The following DLG2 variants were observed in gnomAD, a reference collection of about 807,000 sequenced individuals.
DLG2 encodes disks large homolog 2.
A neutral mutation model predicts 132.5 loss-of-function variants in DLG2; 45 were observed. The observed-to-expected ratio is 0.34, with a 90% CI of 0.27 to 0.44. DLG2 has a LOEUF of 0.44. Among genes scored for constraint, DLG2 ranks in the 20% least tolerant of loss-of-function variants. The probability of loss-of-function intolerance (pLI) is 1.00; values close to 1 mark genes in which losing one functional copy is unlikely to be tolerated. For missense variants in DLG2, 1,045 were observed against 1,196.9 expected (o/e 0.87, Z 1.87); for synonymous variants, 424 against 419.6 (o/e 1.01, Z -0.13).
chr11:83,469,416 C>A (rs757300559), intron 24 of DLG2, 43 bp from the exon 25 acceptor site: 2 of 1,518,560 alleles, frequency 1.3e-6, no homozygotes, highest in East Asian at 2.3e-5. Flanking sequence ...GCATTTATAC[C>A]CATAAACTTG....
At chr11:83,653,864 A>T (rs1450129105) in intron 18 of DLG2, among the ~76,000 whole-genome samples, 3 of 152,006 alleles carry the variant, frequency 2.0e-5, no homozygotes, top group Non-Finnish European at 4.4e-5. Context: ...CTGGTATTAC[A>T]GGCATGCACC....
chr11:84,353,792 A>T (rs1276949099), intron 7 of DLG2, among the ~76,000 whole-genome samples: 1 of 152,092 alleles, frequency 6.6e-6, no homozygotes, highest in Non-Finnish European at 1.5e-5. Context: ...GCAAAGCCTG[A>T]TTCCTCTGTT....
At chr11:85,063,640 T>C (rs1031136968) in intron 6 of DLG2, among the ~76,000 whole-genome samples, 1 of 151,896 alleles carries the variant, frequency 6.6e-6, no homozygotes. Context: ...TAAGTAGAAA[T>C]GTGCTGTATT....
chr11:84,711,900 C>T (rs1285668027), intron 6 of DLG2, among the ~76,000 whole-genome samples: 1 of 151,972 alleles, frequency 6.6e-6, no homozygotes, highest in Non-Finnish European at 1.5e-5. Context: ...TAAGTAATGC[C>T]TAGTCTTTAT....
At chr11:84,084,546 A>G (rs2096948071) in intron 10 of DLG2, among the ~76,000 whole-genome samples, 1 of 152,122 alleles carries the variant, frequency 6.6e-6, no homozygotes, top group Non-Finnish European at 1.5e-5. Flanking sequence ...CCTGGTGCTT[A>G]CCATTTTATA....
intron 6 of DLG2, among the ~76,000 whole-genome samples, chr11:84,839,966 C>G (rs900938694): frequency 2.0e-5 from 3 of 152,074 alleles, no homozygotes; most frequent in Non-Finnish European, 4.4e-5. Flanking sequence ...AAAGCAATGG[C>G]AACAAAAGCC....
chr11:84,545,336 T>C (rs1282369646), intron 6 of DLG2: 7 of 516,664 alleles, frequency 1.4e-5, no homozygotes, highest in Non-Finnish European at 2.3e-5. Flanking sequence ...CCTCTAAAAC[T>C]GCTTCCATCA....
In DLG2 at chr11:84,639,815, G is replaced by A. The variant is rs552294782; in HGVS notation, c.358-105084C>T. Among the ~76,000 whole-genome samples, 16 of 152,060 alleles carry A rather than the reference G, an allele frequency of 1.1e-4. No homozygotes were observed. In the South Asian group the frequency reaches 1.5e-3, roughly 14 times the overall value. On this transcript the variant is annotated intron_variant, in intron 6 of 27. Coordinates refer to ENST00000376104, the MANE Select transcript of DLG2 (RefSeq NM_001142699.3). ...TATCCAATTCCTTCCTATGCTCAGT[G>A]TACCTCCCACTCTCAGGCTGCTCAG...
chr11:83,804,019 A>G (rs2045235328), intron 17 of DLG2, among the ~76,000 whole-genome samples: 1 of 152,110 alleles, frequency 6.6e-6, no homozygotes, highest in Admixed American at 6.6e-5. Context: ...GTTGCCCATA[A>G]TTACATCTTA....
At chr11:84,309,104 C>A (rs2154386650) in intron 7 of DLG2, among the ~76,000 whole-genome samples, 1 of 152,284 alleles carries the variant, frequency 6.6e-6, no homozygotes, top group East Asian at 1.9e-4. Flanking sequence ...CCTCTCATTA[C>A]TACCAGGTTA....
chr11:83,704,298 T>C lies in DLG2; in HGVS notation c.1826-70973A>G, dbSNP rs1437869314. Reference sequence around the variant, plus strand: ...ATGTAACTAAAATGAACCAGGGTAGTTAGTTGTACATATAATATAACCTCC... The same window carrying C: ...ATGTAACTAAAATGAACCAGGGTAGCTAGTTGTACATATAATATAACCTCC... On this transcript the variant is annotated intron_variant, in intron 18 of 27. Coordinates refer to ENST00000376104, the MANE Select transcript of DLG2 (RefSeq NM_001142699.3). Among the ~76,000 whole-genome samples the C allele has an allele frequency of 2.0e-5, 3 of 152,156 alleles. No individual in the cohort carries two copies. The East Asian group carries it at 5.8e-4, about 29-fold the overall frequency.
At chr11:84,952,433 C>T (rs904194285) in intron 6 of DLG2, among the ~76,000 whole-genome samples, 1 of 152,074 alleles carries the variant, frequency 6.6e-6, no homozygotes, top group African/African-American at 2.4e-5. Context: ...AGGAGAATGG[C>T]GTGAACCCGG....
At chr11:84,561,558 A>G (rs1592390004) in intron 6 of DLG2, among the ~76,000 whole-genome samples, 1 of 152,082 alleles carries the variant, frequency 6.6e-6, no homozygotes, top group South Asian at 2.1e-4. Context: ...TAAGGAGGAG[A>G]CTATGTTTTA....
At position 84,476,426 on chromosome 11, in the gene DLG2, G is replaced by T. The variant is rs537905752; in HGVS notation, c.519+58144C>A. ...CAACTGCATTCTTTACTTATTTATG[G>T]AGAACAAAATCCAAGCTCAGAAAAA... is the stretch of plus-strand genomic sequence containing the variant. On this transcript the variant is annotated intron_variant, in intron 7 of 27. Transcript: ENST00000376104. 2.0e-5 allele frequency among the ~76,000 whole-genome samples: 3 copies of T among 151,882 alleles called. No individual in the cohort carries two copies. In the South Asian group the frequency reaches 6.3e-4, roughly 32 times the overall value.
intron 7 of DLG2, among the ~76,000 whole-genome samples, chr11:84,254,520 A>G (rs1341730965): frequency 6.6e-6 from 1 of 152,214 alleles, no homozygotes; most frequent in Non-Finnish European, 1.5e-5. Context: ...AGAAGTAGGT[A>G]TAAAGGAAAG....
At chr11:84,043,202 AAAT>A (rs1364089410) in intron 11 of DLG2, among the ~76,000 whole-genome samples, 3 of 151,414 alleles carry the variant, frequency 2.0e-5, no homozygotes, top group African/African-American at 4.8e-5. Context: ...TAAATTAAAT[AAAT>A]AAATTTAAAA....
At chr11:84,762,209 C>G (rs941638848) in intron 6 of DLG2, 1 of 152,120 alleles carries the variant, frequency 6.6e-6, no homozygotes, top group African/African-American at 2.4e-5. Flanking sequence ...TTCATTTAAA[C>G]ATTTTTATTA....
intron 6 of DLG2, among the ~76,000 whole-genome samples, chr11:84,681,946 T>C (rs532498660): frequency 3.5e-4 from 54 of 152,176 alleles, no homozygotes; most frequent in African/African-American, 1.3e-3. Context: ...AGGCTGCTTG[T>C]ACTCATAGCA....
At chr11:84,408,672 T>C (rs1307807070) in intron 7 of DLG2, among the ~76,000 whole-genome samples, 2 of 152,194 alleles carry the variant, frequency 1.3e-5, no homozygotes, top group South Asian at 2.1e-4. Context: ...AAGAGCTTCA[T>C]GGAAGCAAGC....
Sources: allele counts gnomAD v4.1 joint callset (sites outside exome capture counted in the v4.1 genomes callset), GRCh38; gene constraint gnomAD v4.1.1; transcripts MANE v1.5; gene names NCBI Gene and HGNC (gene_info 2026-07-23, HGNC 2026-07-21).